The following RBM20 variants were observed in gnomAD, a reference collection of about 807,000 sequenced individuals.
RBM20 encodes the protein RNA binding motif protein 20, also known as RNA-binding protein 20.
In RBM20, 51 loss-of-function variants were observed where a neutral mutation model predicts 110.1. The ratio of observed to expected loss-of-function variants is 0.46; its 90% CI spans 0.37 to 0.59. The LOEUF is 0.59. Among genes scored for constraint, RBM20 ranks in the 20% least tolerant of loss-of-function variants. The pLI is 0.00. For synonymous variants in RBM20, 589 were observed against 618.2 expected, an observed-to-expected ratio of 0.95 and a Z score of 0.70; for missense variants, 1,512 against 1,574.9, an observed-to-expected ratio of 0.96 and a Z score of 0.68.
At chr10:110,760,977 T>C (rs1017913008) in intron 1 of RBM20, among the ~76,000 whole-genome samples, 2 of 150,094 alleles carry the variant, frequency 1.3e-5, no homozygotes, top group African/African-American at 4.9e-5. Context: ...GCACCTGTAA[T>C]CTCAGCTACT....
Position 110,823,579 on chromosome 10 carries a change from C to T in RBM20, c.3416C>T (p.Pro1139Leu), listed in dbSNP as rs903726906. 8.4e-6 allele frequency: 13 copies of T among 1,551,370 alleles called. No individual in the cohort carries two copies. Among genetic ancestry groups the T allele is most frequent in the Non-Finnish European group, 1.1e-5 (13 of 1,146,900 alleles). The part of the protein sequence containing the change: ...KQPLSLPSWE[P>L]EDVFSELSIP... ...CCCCTTTCTTTGCCCTCTTGGGAACCAGAGGATGTGTTCAGTGAACTTAGC... is the reference window on the plus strand; with the variant it reads ...CCCCTTTCTTTGCCCTCTTGGGAACTAGAGGATGTGTTCAGTGAACTTAGC... Residue 1139 changes from proline (P) to leucine (L), a missense_variant, in exon 12 of 14, where the codon CCA becomes CTA. Physicochemically the swap from Pro to Leu is moderately conservative, Grantham distance 98. This residue lies in a region of RBM20 where 358 missense variants were observed against 384.2 expected (regional missense o/e 0.93). Transcript: ENST00000369519.
chr10:110,689,275 C>G (rs1036920751), intron 1 of RBM20, among the ~76,000 whole-genome samples: 1 of 152,218 alleles, frequency 6.6e-6, no homozygotes, highest in Non-Finnish European at 1.5e-5. Flanking sequence ...ATGAGTCAGG[C>G]TCTGCTGGAG....
chr10:110,718,487 CATAG>C (rs1357452637), intron 1 of RBM20, among the ~76,000 whole-genome samples: 20 of 150,580 alleles, frequency 1.3e-4, no homozygotes, highest in African/African-American at 4.9e-4. Context: ...TGTATACATG[CATAG>C]ATAGTTTGTT....
chr10:110,692,510 T>C (rs1862600802), intron 1 of RBM20, among the ~76,000 whole-genome samples: 1 of 152,180 alleles, frequency 6.6e-6, no homozygotes, highest in Non-Finnish European at 1.5e-5. Context: ...CTATTATAAA[T>C]GAAATTGTTT....
intron 5 of RBM20, among the ~76,000 whole-genome samples, chr10:110,796,990 C>T (rs979295377): frequency 4.6e-4 from 70 of 152,158 alleles, no homozygotes; most frequent in African/African-American, 1.6e-3. Flanking sequence ...AGTGGAATGG[C>T]AGGATCATGG....
At chr10:110,741,479 C>T (rs969192485) in intron 1 of RBM20, among the ~76,000 whole-genome samples, 5 of 152,098 alleles carry the variant, frequency 3.3e-5, no homozygotes, top group African/African-American at 1.2e-4. Context: ...CACATGACTC[C>T]TCCATCAACT....
At chr10:110,769,192 A>G (rs1418418936) in intron 1 of RBM20, among the ~76,000 whole-genome samples, 1 of 152,202 alleles carries the variant, frequency 6.6e-6, no homozygotes, top group African/African-American at 2.4e-5. Context: ...AAAACTTCCC[A>G]AGTAATTCCT....
rs185573176 is a variant in RBM20, at chr10:110,698,064, C to A, written c.191+53419C>A. Among the ~76,000 whole-genome samples, 1,349 of 152,170 alleles carry A rather than the reference C, an allele frequency of 8.9e-3. 57 individuals are homozygous for A. The highest frequency in any genetic ancestry group is 0.072 in the Admixed American group (1,094 of 15,280). On this transcript the variant is annotated intron_variant, in intron 1 of 13. Coordinates refer to ENST00000369519, the MANE Select transcript of RBM20 (RefSeq NM_001134363.3). Reference sequence around the variant, plus strand: ...CTGGGACTACAGGCGCCCACCAACACGCCCGGCTAATTTTTTTGTATTTTT... The same window carrying A: ...CTGGGACTACAGGCGCCCACCAACAAGCCCGGCTAATTTTTTTGTATTTTT...
chr10:110,671,972 G>A (rs1280328949), intron 1 of RBM20, among the ~76,000 whole-genome samples: 1 of 152,080 alleles, frequency 6.6e-6, no homozygotes, highest in Non-Finnish European at 1.5e-5. Context: ...GAGGTGCTGA[G>A]GCTCATAATC....
At chr10:110,760,884 G>A (rs1843989041) in intron 1 of RBM20, among the ~76,000 whole-genome samples, 1 of 151,034 alleles carries the variant, frequency 6.6e-6, no homozygotes, top group Non-Finnish European at 1.5e-5. Context: ...ATGAGGTCAG[G>A]AGTTTGAGAC....
In RBM20 at chr10:110,716,911, C is replaced by CA. The variant is rs61347215; in HGVS notation, c.192-63879dup. Among the ~76,000 whole-genome samples the CA allele has an allele frequency of 2.7e-4, 25 of 92,364 alleles. 1 individual carries two copies. Among genetic ancestry groups the CA allele is most frequent in the Non-Finnish European group, 4.3e-4 (20 of 46,302 alleles). The allele number at this position is 92,364 out of a possible 152,430, so 60.6% of individuals were successfully genotyped here. ...CCGCCTCAGTGACACAACTCCGTCTCAAAAAAAAAAAGAAAAAAAAAAAAG... is the reference window on the plus strand; with the variant it reads ...CCGCCTCAGTGACACAACTCCGTCTCAAAAAAAAAAAAGAAAAAAAAAAAAG... On this transcript the variant is annotated intron_variant, in intron 1 of 13. Coordinates refer to ENST00000369519, the MANE Select transcript of RBM20 (RefSeq NM_001134363.3).
chr10:110,769,615 T>C (rs946730907), intron 1 of RBM20, among the ~76,000 whole-genome samples: 1 of 152,220 alleles, frequency 6.6e-6, no homozygotes, highest in African/African-American at 2.4e-5. Flanking sequence ...TATTTTTACA[T>C]TGTCTGAAAC....
chr10:110,771,677 A>G (rs1844194173), intron 1 of RBM20, among the ~76,000 whole-genome samples: 1 of 152,186 alleles, frequency 6.6e-6, no homozygotes, highest in African/African-American at 2.4e-5. Context: ...TGGGAGCAGA[A>G]ACCAGAGAAG....
At chr10:110,684,112 G>C (rs1862462926) in intron 1 of RBM20, among the ~76,000 whole-genome samples, 1 of 152,160 alleles carries the variant, frequency 6.6e-6, no homozygotes. Flanking sequence ...ATTGTCATTT[G>C]GGATGGGCGC....
At chr10:110,791,974 A>G (rs2135062901) in intron 5 of RBM20, among the ~76,000 whole-genome samples, 1 of 152,322 alleles carries the variant, frequency 6.6e-6, no homozygotes, top group South Asian at 2.1e-4. Flanking sequence ...CCCCTACAGT[A>G]TGTCTTTTAA....
chr10:110,757,526 T>G (rs2134995671), intron 1 of RBM20, among the ~76,000 whole-genome samples: 1 of 152,346 alleles, frequency 6.6e-6, no homozygotes, highest in South Asian at 2.1e-4. Context: ...ATTAGGATAC[T>G]AACTTCTTAA....
At position 110,838,869 on chromosome 10, in the gene RBM20, A is replaced by G. The variant is rs567606976; in HGVS notation, c.*2891A>G. On this transcript the variant is annotated 3_prime_UTR_variant, in exon 14 of 14. Coordinates refer to ENST00000369519, the MANE Select transcript of RBM20 (RefSeq NM_001134363.3). ...CGTATTTATTTTTATTTATTTTTATACAATTCCATTGGCATGGTCCTTCAC... is the reference window on the plus strand; with the variant it reads ...CGTATTTATTTTTATTTATTTTTATGCAATTCCATTGGCATGGTCCTTCAC... 6.6e-6 allele frequency: 1 copy of G among 152,368 alleles called. No homozygotes were observed. The highest frequency in any genetic ancestry group is 2.1e-4 in the South Asian group (1 of 4,828). 9.4% of individuals were successfully genotyped at this position (152,368 alleles called of 1,614,324 possible).
At chr10:110,658,292 G>T (rs1295028485) in intron 1 of RBM20, among the ~76,000 whole-genome samples, 1 of 152,210 alleles carries the variant, frequency 6.6e-6, no homozygotes, top group Admixed American at 6.5e-5. Flanking sequence ...AGGGTAATTT[G>T]ACGTCTCCTA....
At chr10:110,708,157 G>A (rs778785162) in intron 1 of RBM20, among the ~76,000 whole-genome samples, 3 of 152,168 alleles carry the variant, frequency 2.0e-5, no homozygotes, top group Non-Finnish European at 2.9e-5. Context: ...ATGCTTAAAG[G>A]GGCTCTGTGC....
Sources: allele counts gnomAD v4.1 joint callset (sites outside exome capture counted in the v4.1 genomes callset), GRCh38; gene constraint gnomAD v4.1.1; regional missense constraint gnomAD v4.1.1; transcripts MANE v1.5; gene names NCBI Gene and HGNC (gene_info 2026-07-23, HGNC 2026-07-21).